Variants in CCDC88A observed in about 807,000 individuals in gnomAD.
CCDC88A encodes coiled-coil and HOOK domain protein 88A, also known as girdin.
CCDC88A carries 54 observed loss-of-function variants against 234.3 expected under a neutral mutation model. That is an observed-to-expected ratio of 0.23 (90% confidence interval 0.19 to 0.29). The LOEUF is 0.29. Among genes scored for constraint, CCDC88A ranks in the 10% least tolerant of loss-of-function variants. The pLI is 1.00. For missense variants in CCDC88A, 1,832 were observed against 2,123.4 expected, an observed-to-expected ratio of 0.86 and a Z score of 2.70; for synonymous variants, 753 against 737.8, an observed-to-expected ratio of 1.02 and a Z score of -0.33.
intron 9 of CCDC88A, 116 bp downstream of exon 9, chr2:55,349,402 C>T: frequency 1.3e-6 from 1 of 751,734 alleles, no homozygotes; most frequent in Admixed American, 2.8e-5. Flanking sequence ...CTCTTGAAGC[C>T]TCAGGAACCT....
chr2:55,366,413 G>C (rs925788279), intron 5 of CCDC88A, among the ~76,000 whole-genome samples: 1 of 151,938 alleles, frequency 6.6e-6, no homozygotes, highest in Non-Finnish European at 1.5e-5. Context: ...TGTAATCCCA[G>C]CTACTTGGGA....
intron 3 of CCDC88A, among the ~76,000 whole-genome samples, chr2:55,383,390 G>C (rs974416129): frequency 2.6e-5 from 4 of 152,024 alleles, no homozygotes; most frequent in Non-Finnish European, 5.9e-5. Flanking sequence ...AGGCCAAGGA[G>C]GGAGGATCAC....
intron 17 of CCDC88A, chr2:55,324,370 A>G (rs1684005228): frequency 6.6e-6 from 1 of 152,222 alleles, no homozygotes; most frequent in Admixed American, 6.5e-5. Context: ...CTCTAGAAAG[A>G]TCACTGCACT....
rs1251744974 is a variant in CCDC88A, at chr2:55,290,816, G to C, written c.*384C>G. On this transcript the variant is annotated 3_prime_UTR_variant, in exon 33 of 33. Transcript: ENST00000436346. ...TTAGCAGAAGCATTAAGCAAACATG[G>C]ATAAATTCATAAAACAAATGATGAA... 1 of 152,462 alleles carries C rather than the reference G, an allele frequency of 6.6e-6. No homozygotes were observed. Among genetic ancestry groups the C allele is most frequent in the Non-Finnish European group, 1.5e-5 (1 of 67,942 alleles). The allele number at this position is 152,462 out of a possible 1,614,324, so 9.4% of individuals were successfully genotyped here.
chr2:55,317,936 A>G lies in CCDC88A; in HGVS notation c.3325-95T>C. 4 of 885,618 alleles carry G rather than the reference A, an allele frequency of 4.5e-6. No individual in the cohort carries two copies. The South Asian group carries it at 5.4e-5, about 12-fold the overall frequency. 54.9% of individuals were successfully genotyped at this position (885,618 alleles called of 1,614,324 possible). ...CAATGTTAATTAAAGAAAGCTCTAA[A>G]TGAATCACAGCACACATATTTACAT... On this transcript the variant is annotated intron_variant, in intron 19 of 32. Transcript: ENST00000436346. This position sits in a 1 kb window ranked among gnomAD's most constrained non-coding sequence, Gnocchi z 4.2.
At chr2:55,382,873 T>C (rs997050834) in intron 3 of CCDC88A, among the ~76,000 whole-genome samples, 1 of 152,134 alleles carries the variant, frequency 6.6e-6, no homozygotes, top group Non-Finnish European at 1.5e-5. Flanking sequence ...ACAACAGAAA[T>C]TGTTTTGCTT....
At position 55,315,951 on chromosome 2, in the gene CCDC88A, T is replaced by A; in HGVS notation, c.3910A>T (p.Thr1304Ser). The A allele has an allele frequency of 6.4e-7, 1 of 1,564,474 alleles. No individual in the cohort carries two copies. The highest frequency in any genetic ancestry group is 8.6e-7 in the Non-Finnish European group (1 of 1,158,428). Residue 1304 changes from threonine (T) to serine (S), a missense_variant, in exon 22 of 33, where the codon ACC becomes TCC. This residue lies in a region of CCDC88A where 1,282 missense variants were observed against 1,543.6 expected (regional missense o/e 0.83). Transcript: ENST00000436346. ...ACCTCACACTGGTTATTCAGCTTGG[T>A]TGATGTAATATCCAATTGTTGGTAT... ...EQYQQLDITS[T>S]KLNNQCELLS...
chr2:55,339,348 A>T (rs558698039), intron 13 of CCDC88A, 116 bp downstream of exon 13: 1 of 939,736 alleles, frequency 1.1e-6, no homozygotes, highest in Non-Finnish European at 1.5e-6. Context: ...GAAAATTTTC[A>T]TAACAAGTTA....
chr2:55,385,852 CAAAAAAAAAAAAAAAAAA>C (rs56233901), intron 3 of CCDC88A, among the ~76,000 whole-genome samples: 1 of 62,462 alleles, frequency 1.6e-5, no homozygotes, highest in Non-Finnish European at 3.0e-5. Context: ...AACTCCATGT[CAAAAAAAAAAAAAAAAAA>C]AAAAAAAAAA....
intron 2 of CCDC88A, chr2:55,394,457 T>A (rs1171951603): frequency 1.3e-5 from 2 of 152,114 alleles, no homozygotes; most frequent in African/African-American, 4.8e-5. Flanking sequence ...AGTAATGGGA[T>A]AGCTGGGTCA....
At chr2:55,323,501 A>G (rs1284181419) in intron 17 of CCDC88A, 2 of 152,190 alleles carry the variant, frequency 1.3e-5, no homozygotes, top group Non-Finnish European at 2.9e-5. Flanking sequence ...AAGTTTCTCA[A>G]GAAATCTAAG....
At chr2:55,406,401 C>G (rs1679580877) in intron 2 of CCDC88A, among the ~76,000 whole-genome samples, 1 of 152,092 alleles carries the variant, frequency 6.6e-6, no homozygotes, top group South Asian at 2.1e-4. Context: ...TTTTGTCTTT[C>G]CATTGATATT....
At chr2:55,351,941 C>T (rs762172789) in intron 8 of CCDC88A, among the ~76,000 whole-genome samples, 4 of 151,986 alleles carry the variant, frequency 2.6e-5, no homozygotes, top group African/African-American at 7.2e-5. Flanking sequence ...ACCTGGAAAA[C>T]GTTATGCTAA....
Position 55,298,607 on chromosome 2 carries a change from T to C in CCDC88A, c.4825+1232A>G, listed in dbSNP as rs972690958. 3.9e-5 allele frequency among the ~76,000 whole-genome samples: 6 copies of C among 152,176 alleles called. No homozygotes were observed. The East Asian group carries it at 1.2e-3, about 29-fold the overall frequency. On this transcript the variant is annotated intron_variant, in intron 29 of 32. Transcript: ENST00000436346. Reference sequence around the variant, plus strand: ...AATTCTGGAGTACAGAGAGTAACTATGATATATTGGTCAAATAATTCAGAG... The same window carrying C: ...AATTCTGGAGTACAGAGAGTAACTACGATATATTGGTCAAATAATTCAGAG...
intron 15 of CCDC88A, among the ~76,000 whole-genome samples, chr2:55,333,129 G>A (rs1685115309): frequency 6.6e-6 from 1 of 152,176 alleles, no homozygotes; most frequent in Non-Finnish European, 1.5e-5. Context: ...GTTCTTAGAA[G>A]TTTAGGCACA....
chr2:55,366,892 C>T (rs1355365583), intron 5 of CCDC88A, among the ~76,000 whole-genome samples: 1 of 152,046 alleles, frequency 6.6e-6, no homozygotes, highest in Non-Finnish European at 1.5e-5. Flanking sequence ...TAATATAGGT[C>T]TAAACAAATC....
At chr2:55,296,760 G>A (rs935554927) in intron 29 of CCDC88A, 4 of 513,374 alleles carry the variant, frequency 7.8e-6, no homozygotes, top group Admixed American at 3.6e-5. Context: ...TAAGGGCAAA[G>A]ACTTGCTTTT....
At chr2:55,291,849 C>T in intron 31 of CCDC88A, 74 bp from the exon 32 acceptor site, 1 of 1,150,188 alleles carries the variant, frequency 8.7e-7, no homozygotes, top group South Asian at 1.3e-5. Flanking sequence ...AAGAAATACA[C>T]TCTCACTGAG....
intron 3 of CCDC88A, among the ~76,000 whole-genome samples, chr2:55,384,572 TATATATGTGTATATATACAC>T (rs1335635909): frequency 2.1e-5 from 2 of 95,262 alleles, no homozygotes; most frequent in Non-Finnish European, 4.3e-5. Flanking sequence ...CATATATACG[TATATATGTGTATATATACAC>T]ATATATACGT....
Sources: gnomAD v4.1 joint callset for allele counts (sites outside exome capture counted in the v4.1 genomes callset) on GRCh38, gnomAD v4.1.1 for gene constraint, gnomAD v4.1.1 regional missense constraint, Gnocchi (gnomAD v3.1) non-coding constraint, MANE v1.5 for transcripts, NCBI Gene and HGNC (gene_info 2026-07-23, HGNC 2026-07-21) for gene names.